DLG2: variants seen among roughly 807,000 people sequenced by gnomAD.
DLG2 encodes discs large MAGUK scaffold protein 2, also known as disks large homolog 2.
In DLG2, 45 loss-of-function variants were observed where a neutral mutation model predicts 132.5. That is an observed-to-expected ratio of 0.34 (90% CI 0.27 to 0.44). The LOEUF (loss-of-function observed/expected upper bound fraction) is 0.44, where lower values mean the gene tolerates loss of function less well. Ranked by LOEUF, DLG2 falls within the 20% of genes least tolerant of loss-of-function variation. The pLI is 1.00. For missense variants in DLG2, 1,045 were observed against 1,196.9 expected (o/e 0.87, Z 1.87); for synonymous variants, 424 against 419.6 (o/e 1.01, Z -0.13).
intron 15 of DLG2, among the ~76,000 whole-genome samples, chr11:83,928,681 A>G (rs1442735364): frequency 1.8e-4 from 28 of 152,126 alleles, no homozygotes; most frequent in Admixed American, 1.8e-3. Flanking sequence ...GTCACTTACT[A>G]ATGGATGATC....
chr11:84,229,001 GA>G (rs1043657452), intron 8 of DLG2, among the ~76,000 whole-genome samples: 1 of 151,876 alleles, frequency 6.6e-6, no homozygotes. Context: ...ATTATCTAAG[GA>G]AAAAAACCAC....
chr11:85,099,524 A>G (rs185448641), intron 6 of DLG2, among the ~76,000 whole-genome samples: 4 of 152,314 alleles, frequency 2.6e-5, no homozygotes, highest in Admixed American at 2.6e-4. Context: ...TGTAATAATT[A>G]TTACTAAGAG....
At chr11:84,211,999 A>G (rs2096762383) in intron 8 of DLG2, among the ~76,000 whole-genome samples, 1 of 152,252 alleles carries the variant, frequency 6.6e-6, no homozygotes, top group Non-Finnish European at 1.5e-5. Context: ...CATTGCATAT[A>G]AACAGTTATG....
At chr11:84,673,534 G>T (rs964434430) in intron 6 of DLG2, among the ~76,000 whole-genome samples, 1 of 149,988 alleles carries the variant, frequency 6.7e-6, no homozygotes, top group South Asian at 2.1e-4. Context: ...TTATTATCTG[G>T]ATTATTTGGA....
rs115974624 is a variant in DLG2, at chr11:85,208,944, C to A, written c.187-54293G>T. Among the ~76,000 whole-genome samples the A allele has an allele frequency of 4.5e-3, 684 of 152,186 alleles. 5 individuals carry two copies. Among genetic ancestry groups the A allele is most frequent in the African/African-American group, 0.015 (627 of 41,534 alleles). On this transcript the variant is annotated intron_variant, in intron 4 of 27. Transcript: ENST00000376104. ...AAAGGCTTATGTAAGAAAACAAGTT[C>A]AACCGTACTCCCCTATCTACCCTCC... is the stretch of plus-strand genomic sequence containing the variant.
At chr11:84,630,821 C>T (rs993047213) in intron 6 of DLG2, among the ~76,000 whole-genome samples, 13 of 152,086 alleles carry the variant, frequency 8.5e-5, no homozygotes, top group Non-Finnish European at 2.9e-5. Flanking sequence ...TAGCAGTCAG[C>T]CTCACTGTTC....
At chr11:84,468,731 C>G (rs537985868) in intron 7 of DLG2, among the ~76,000 whole-genome samples, 32 of 151,640 alleles carry the variant, frequency 2.1e-4, no homozygotes, top group African/African-American at 7.7e-4. Flanking sequence ...TCAAATTTAC[C>G]AAGTAGGTAC....
intron 18 of DLG2, among the ~76,000 whole-genome samples, chr11:83,661,138 C>T (rs2074153891): frequency 6.6e-6 from 1 of 152,116 alleles, no homozygotes; most frequent in South Asian, 2.1e-4. Context: ...TAGTGGGAGA[C>T]AACCTTGTGC....
intron 3 of DLG2, among the ~76,000 whole-genome samples, chr11:85,400,690 C>T (rs1485734167): frequency 2.7e-5 from 4 of 148,866 alleles, no homozygotes; most frequent in Admixed American, 1.4e-4. Context: ...GGACAAAAAA[C>T]CAAACACCGC....
intron 11 of DLG2, among the ~76,000 whole-genome samples, chr11:84,035,053 T>C (rs1254289791): frequency 6.6e-6 from 1 of 152,108 alleles, no homozygotes; most frequent in African/African-American, 2.4e-5. Flanking sequence ...GCTTGAACCC[T>C]TCTGGTAACA....
intron 3 of DLG2, among the ~76,000 whole-genome samples, chr11:85,401,372 A>G (rs1199512495): frequency 6.6e-6 from 1 of 152,192 alleles, no homozygotes; most frequent in Admixed American, 6.6e-5. Flanking sequence ...ATAAACCCAC[A>G]GCCAATATCG....
At chr11:83,925,789 A>G (rs745666778) in intron 15 of DLG2, among the ~76,000 whole-genome samples, 23 of 152,158 alleles carry the variant, frequency 1.5e-4, no homozygotes, top group Non-Finnish European at 3.1e-4. Context: ...AATGTATGCC[A>G]TAAATATTGA....
rs1416036713 is a variant in DLG2 at position 84,363,218 on chromosome 11, GAT to G, written c.520-111929_520-111928del. On this transcript the variant is annotated intron_variant, in intron 7 of 27. Coordinates refer to ENST00000376104, the MANE Select transcript of DLG2 (RefSeq NM_001142699.3). ...ATCGCCATTCTAACTGGTGTGATATGATATCTCATTGTGGTTTTGATTTGCAT... is the reference window on the plus strand; with the variant it reads ...ATCGCCATTCTAACTGGTGTGATATGATCTCATTGTGGTTTTGATTTGCAT... Among the ~76,000 whole-genome samples, 306 of 152,144 alleles carry G rather than the reference GAT, an allele frequency of 2.0e-3. 1 individual carries two copies. Among genetic ancestry groups the G allele is most frequent in the African/African-American group, 7.1e-3 (296 of 41,482 alleles).
rs572241086 is a variant in DLG2, at chr11:84,982,451, C to G, written c.357+129210G>C. Among the ~76,000 whole-genome samples, 94 of 152,180 alleles carry G rather than the reference C, an allele frequency of 6.2e-4. 1 individual carries two copies. The South Asian group carries it at 0.019, about 31-fold the overall frequency. ...TTTTCACATGTTCTCCTCCTTAAAA[C>G]CCCATGCCCCATACATCAACAGTTT... On this transcript the variant is annotated intron_variant, in intron 6 of 27. Transcript: ENST00000376104.
chr11:84,889,589 T>C (rs956223072), intron 6 of DLG2, among the ~76,000 whole-genome samples: 1 of 152,172 alleles, frequency 6.6e-6, no homozygotes, highest in Non-Finnish European at 1.5e-5. Context: ...GGTGTGATAA[T>C]GATAATTTCT....
At chr11:84,284,231 T>C (rs886845371) in intron 7 of DLG2, among the ~76,000 whole-genome samples, 1 of 152,144 alleles carries the variant, frequency 6.6e-6, no homozygotes, top group African/African-American at 2.4e-5. Flanking sequence ...TGAAACTCTG[T>C]CTCAAAAAAA....
intron 3 of DLG2, among the ~76,000 whole-genome samples, chr11:85,426,515 AG>A (rs2090753741): frequency 6.6e-6 from 1 of 152,204 alleles, no homozygotes; most frequent in Non-Finnish European, 1.5e-5. Context: ...TCAGGCAAAC[AG>A]GGTCTGGAAT....
intron 19 of DLG2, among the ~76,000 whole-genome samples, chr11:83,548,827 A>C (rs2096304673): frequency 6.6e-6 from 1 of 152,184 alleles, no homozygotes; most frequent in Non-Finnish European, 1.5e-5. Flanking sequence ...CTAAAATTGC[A>C]AATCACTCTG....
intron 2 of DLG2, among the ~76,000 whole-genome samples, chr11:85,611,480 C>T (rs1215333297): frequency 1.3e-5 from 2 of 152,132 alleles, no homozygotes; most frequent in African/African-American, 4.8e-5. Context: ...TTATGCCGCC[C>T]GAGATGATCT....
Sources: gnomAD v4.1 joint callset for allele counts (sites outside exome capture counted in the v4.1 genomes callset) on GRCh38, gnomAD v4.1.1 for gene constraint, MANE v1.5 for transcripts, NCBI Gene and HGNC (gene_info 2026-07-23, HGNC 2026-07-21) for gene names.